TCEA1: variants seen among roughly 807,000 people sequenced by gnomAD.
TCEA1 encodes the protein transcription elongation factor A protein 1.
In TCEA1, 21 loss-of-function variants were observed where a neutral mutation model predicts 43.8. The ratio of observed to expected loss-of-function variants is 0.48; its 90% CI spans 0.34 to 0.69. TCEA1 has a LOEUF of 0.69. Among genes scored for constraint, TCEA1 ranks in the 30% least tolerant of loss-of-function variants. The probability of loss-of-function intolerance (pLI) is 0.01; values close to 1 mark genes in which losing one functional copy is unlikely to be tolerated. For missense variants in TCEA1, 250 were observed against 365.1 expected (o/e 0.68, Z 2.57); for synonymous variants, 104 against 117.5 (o/e 0.88, Z 0.75).
intron 2 of TCEA1, chr8:54,009,861 G>C (rs1245719250): frequency 6.6e-6 from 1 of 152,292 alleles, no homozygotes; most frequent in Non-Finnish European, 1.5e-5. Context: ...TACTGAAGGT[G>C]AGGGATACCC....
chr8:53,980,318 T>G (rs1316236376), intron 7 of TCEA1, among the ~76,000 whole-genome samples: 1 of 152,218 alleles, frequency 6.6e-6, no homozygotes, highest in Non-Finnish European at 1.5e-5. Context: ...CCAGCTACAG[T>G]CATACTTTGC....
chr8:53,980,344 G>A (rs979563812), intron 7 of TCEA1, among the ~76,000 whole-genome samples: 3 of 152,126 alleles, frequency 2.0e-5, no homozygotes, highest in South Asian at 2.1e-4. Context: ...CTTGCTCTGC[G>A]CTATTGTGCT....
intron 2 of TCEA1, among the ~76,000 whole-genome samples, chr8:54,001,977 TAAAAAAA>T (rs57672283): frequency 7.2e-6 from 1 of 138,642 alleles, no homozygotes; most frequent in Non-Finnish European, 1.6e-5. Context: ...CTGTCTCTAC[TAAAAAAA>T]AAAAACAAAA....
At chr8:53,972,951 C>A (rs1656192654) in intron 8 of TCEA1, 1 of 661,172 alleles carries the variant, frequency 1.5e-6, no homozygotes. Context: ...AAATATATAT[C>A]ATATCTGCTG....
chr8:54,020,466 G>A (rs1804984778), intron 1 of TCEA1, among the ~76,000 whole-genome samples: 2 of 152,016 alleles, frequency 1.3e-5, no homozygotes, highest in Admixed American at 6.6e-5. Context: ...TGAAATACGA[G>A]GCAATGCACC....
intron 4 of TCEA1, among the ~76,000 whole-genome samples, chr8:53,990,013 T>C (rs147845360): frequency 6.6e-6 from 1 of 152,198 alleles, no homozygotes; most frequent in Non-Finnish European, 1.5e-5. Context: ...CCGGACAAAA[T>C]AGTGAGACCC....
chr8:54,004,855 T>A (rs535999411), intron 2 of TCEA1, among the ~76,000 whole-genome samples: 2 of 152,276 alleles, frequency 1.3e-5, no homozygotes, highest in Non-Finnish European at 2.9e-5. Flanking sequence ...GGACCTTGTC[T>A]TGTCTGCCAC....
chr8:53,978,704 G>A, intron 8 of TCEA1: 1 of 210,102 alleles, frequency 4.8e-6, no homozygotes, highest in South Asian at 9.7e-5. Flanking sequence ...GACACTGTGA[G>A]AGACAGAAAG....
At position 54,022,091 on chromosome 8, in the gene TCEA1, ATCT is replaced by A. The variant is rs1805060696; in HGVS notation, c.32_34del (p.Lys11del). 6.3e-7 allele frequency: 1 copy of A among 1,575,056 alleles called. No individual in the cohort carries two copies. Among genetic ancestry groups the A allele is most frequent in the African/African-American group, 1.4e-5 (1 of 72,208 alleles). Reference sequence around the variant, plus strand: ...GTTCTTCTTCTGCACCATCTTGTCCATCTTCTTGGCAAAGCGGACCACTTCGTC... The same window carrying A: ...GTTCTTCTTCTGCACCATCTTGTCCATCTTGGCAAAGCGGACCACTTCGTC... On this transcript the variant is annotated inframe_deletion, in exon 1 of 10. Transcript: ENST00000521604.
chr8:53,974,524 AGTGGGG>A (rs1325920838), intron 8 of TCEA1, among the ~76,000 whole-genome samples: 1 of 3,148 alleles, frequency 3.2e-4, no homozygotes, highest in Admixed American at 3.6e-3. Flanking sequence ...TTTGGGGGGT[AGTGGGG>A]GTGGGGGTGG....
intron 9 of TCEA1, among the ~76,000 whole-genome samples, chr8:53,969,877 T>C (rs1284767343): frequency 1.3e-5 from 2 of 152,190 alleles, no homozygotes; most frequent in Non-Finnish European, 2.9e-5. Flanking sequence ...TTAAATAATA[T>C]AAACTTGCCT....
intron 5 of TCEA1, 33 bp downstream of exon 5, chr8:53,988,081 A>C (rs1164020163): frequency 6.2e-7 from 1 of 1,602,128 alleles, no homozygotes; most frequent in Non-Finnish European, 8.5e-7. Flanking sequence ...GGTGGTGACC[A>C]AAGGACTGAG....
At chr8:53,972,019 T>C in intron 8 of TCEA1, 1 of 212,142 alleles carries the variant, frequency 4.7e-6, no homozygotes, top group Non-Finnish European at 9.4e-6. Context: ...AACTCTTCTC[T>C]CAAAGAAAGA....
At chr8:53,968,169 C>T in intron 9 of TCEA1, 57 bp from the exon 10 acceptor site, 1 of 1,391,124 alleles carries the variant, frequency 7.2e-7, no homozygotes, top group East Asian at 2.5e-5. Flanking sequence ...AGGTACATTC[C>T]CCATTTAATA....
chr8:53,998,066 T>G (rs1804122709), intron 3 of TCEA1, among the ~76,000 whole-genome samples: 1 of 152,234 alleles, frequency 6.6e-6, no homozygotes, highest in South Asian at 2.1e-4. Flanking sequence ...GTTCTATTTT[T>G]TAAGCCCATT....
chr8:54,022,302 C>CGGT lies in TCEA1; in HGVS notation c.-178_-177insACC. ...GCGGCGGCGGCGGCGGCGGCGGCGG[C>CGGT]TCCGGCTCCTCCTCCCCAGGCAGCG... On this transcript the variant is annotated 5_prime_UTR_variant, in exon 1 of 10. Transcript: ENST00000521604. The CGGT allele has an allele frequency of 2.8e-6, 2 of 710,036 alleles. No homozygotes were observed. Among genetic ancestry groups the CGGT allele is most frequent in the South Asian group, 3.2e-5 (2 of 61,646 alleles). 44.0% of individuals were successfully genotyped at this position (710,036 alleles called of 1,614,324 possible).
Position 54,022,426 on chromosome 8 carries a change from G to C in TCEA1, c.-301C>G. The C allele has an allele frequency of 2.2e-6, 1 of 453,456 alleles. No homozygotes were observed. The highest frequency in any genetic ancestry group is 3.9e-6 in the Non-Finnish European group (1 of 254,106). 28.1% of individuals were successfully genotyped at this position (453,456 alleles called of 1,614,324 possible). ...TTCCCGCCAGGCGGGCGTCGGGCTA[G>C]TGGGCAGGCGTGGCTTCCGGCTAGA... is the stretch of plus-strand genomic sequence containing the variant. On this transcript the variant is annotated 5_prime_UTR_variant, in exon 1 of 10. Coordinates refer to ENST00000521604, the MANE Select transcript of TCEA1 (RefSeq NM_006756.4).
At chr8:54,001,986 A>C (rs566055402) in intron 2 of TCEA1, among the ~76,000 whole-genome samples, 96 of 150,840 alleles carry the variant, frequency 6.4e-4, no homozygotes, top group African/African-American at 2.3e-3. Context: ...CTAAAAAAAA[A>C]AAACAAAAAA....
chr8:54,000,107 ATT>A (rs891081683), intron 2 of TCEA1, 57 bp from the exon 3 acceptor site: 1 of 1,009,982 alleles, frequency 9.9e-7, no homozygotes, highest in African/African-American at 1.6e-5. Flanking sequence ...ACAAATTAGT[ATT>A]TCACCTACAT....
Sources: allele counts gnomAD v4.1 joint callset (sites outside exome capture counted in the v4.1 genomes callset), GRCh38; gene constraint gnomAD v4.1.1; transcripts MANE v1.5; gene names NCBI Gene and HGNC (gene_info 2026-07-23, HGNC 2026-07-21).